Variants in XRN1 observed in about 807,000 individuals in gnomAD.
XRN1 encodes strand-exchange protein 1 homolog.
Under a neutral mutation model 222.3 loss-of-function variants are expected in XRN1, and 67 were observed. The ratio of observed to expected loss-of-function variants is 0.30; its 90% confidence interval spans 0.25 to 0.37. The LOEUF (loss-of-function observed/expected upper bound fraction) is 0.37. Among genes scored for constraint, XRN1 ranks in the 10% least tolerant of loss-of-function variants. The pLI is 1.00. For synonymous variants in XRN1, 643 were observed against 652.4 expected (o/e 0.99, Z 0.22); for missense variants, 1,707 against 2,000.2 (o/e 0.85, Z 2.80).
intron 12 of XRN1, 49 bp downstream of exon 12, chr3:142,418,454 CA>C (rs2068871624): frequency 1.4e-6 from 2 of 1,444,758 alleles, no homozygotes; most frequent in African/African-American, 1.4e-5. Flanking sequence ...TGAATAACTG[CA>C]AAATCTAATT....
chr3:142,367,430 AG>A (rs957715065), intron 27 of XRN1, among the ~76,000 whole-genome samples: 1 of 152,238 alleles, frequency 6.6e-6, no homozygotes, highest in African/African-American at 2.4e-5. Context: ...GGAAGAACCC[AG>A]AATTTTATTC....
intron 20 of XRN1, among the ~76,000 whole-genome samples, chr3:142,394,116 C>T (rs546219728): frequency 1.2e-4 from 19 of 152,230 alleles, no homozygotes; most frequent in African/African-American, 3.6e-4. Context: ...CATGAGCCAC[C>T]GTGCCTGGCC....
chr3:142,351,891 A>ATT (rs1218510665), intron 32 of XRN1, among the ~76,000 whole-genome samples: 1 of 147,890 alleles, frequency 6.8e-6, no homozygotes, highest in Middle Eastern at 3.5e-3. Flanking sequence ...GAAGAAGAAC[A>ATT]TTTTTTTTTA....
chr3:142,401,710 T>TCAAACAAA (rs761940718), intron 18 of XRN1, among the ~76,000 whole-genome samples: 1 of 152,054 alleles, frequency 6.6e-6, no homozygotes, highest in African/African-American at 2.4e-5. Context: ...TGAGACTCTG[T>TCAAACAAA]CAAACAAACA....
chr3:142,422,257 T>C (rs1243464351), intron 8 of XRN1, among the ~76,000 whole-genome samples: 1 of 151,896 alleles, frequency 6.6e-6, no homozygotes, highest in Non-Finnish European at 1.5e-5. Flanking sequence ...ATAGCTTGAA[T>C]CCAGAAGGCA....
intron 24 of XRN1, 51 bp downstream of exon 24, chr3:142,376,428 A>G: frequency 1.5e-6 from 2 of 1,292,830 alleles, no homozygotes; most frequent in Non-Finnish European, 2.2e-6. Flanking sequence ...TTTAATCTTT[A>G]TCATTTAATT....
intron 37 of XRN1, among the ~76,000 whole-genome samples, chr3:142,327,082 T>C (rs994916816): frequency 6.6e-6 from 1 of 152,172 alleles, no homozygotes; most frequent in African/African-American, 2.4e-5. Flanking sequence ...TTCTCATTTT[T>C]TGTAGTGTCT....
intron 31 of XRN1, 82 bp from the exon 32 acceptor site, chr3:142,355,578 T>C: frequency 1.1e-6 from 1 of 951,214 alleles, no homozygotes; most frequent in South Asian, 1.8e-5. Context: ...AATTCATCTA[T>C]TAATGTTATT....
intron 39 of XRN1, 48 bp downstream of exon 39, chr3:142,318,544 A>C (rs1230239252): frequency 6.8e-7 from 1 of 1,479,952 alleles, no homozygotes; most frequent in Non-Finnish European, 9.3e-7. Context: ...AGAGCTTAGT[A>C]AAAATAACAA....
At chr3:142,368,263 C>A (rs1317632826) in intron 27 of XRN1, among the ~76,000 whole-genome samples, 1 of 152,120 alleles carries the variant, frequency 6.6e-6, no homozygotes, top group African/African-American at 2.4e-5. Context: ...ATTCTCCTGC[C>A]TCAGCCTCCC....
chr3:142,362,509 G>A (rs1185344058), intron 29 of XRN1, among the ~76,000 whole-genome samples: 1 of 152,052 alleles, frequency 6.6e-6, no homozygotes, highest in Non-Finnish European at 1.5e-5. Flanking sequence ...CTGACTTCAA[G>A]TGATCCACCC....
intron 31 of XRN1, among the ~76,000 whole-genome samples, chr3:142,356,326 C>A (rs763189077): frequency 6.6e-6 from 1 of 152,114 alleles, no homozygotes; most frequent in Admixed American, 6.5e-5. Flanking sequence ...CCTTTGTTAT[C>A]ATCTACTTAT....
At chr3:142,429,190 C>T (rs540580252) in intron 2 of XRN1, among the ~76,000 whole-genome samples, 1 of 149,480 alleles carries the variant, frequency 6.7e-6, no homozygotes, top group South Asian at 2.2e-4. Context: ...CTCTGTCGCC[C>T]AGGCTGGAGT....
chr3:142,418,783 GTAACA>G, intron 11 of XRN1, 27 bp downstream of exon 11: 3 of 1,604,040 alleles, frequency 1.9e-6, no homozygotes, highest in Non-Finnish European at 2.6e-6. Context: ...TGTCAAAGTA[GTAACA>G]TATCAAAACA....
At chr3:142,410,487 G>GATTTT (rs1553739414) in intron 15 of XRN1, among the ~76,000 whole-genome samples, 1 of 68,072 alleles carries the variant, frequency 1.5e-5, no homozygotes, top group East Asian at 4.8e-4. Flanking sequence ...TCTATCTCAT[G>GATTTT]TTTTTTTTTT....
intron 14 of XRN1, 26 bp downstream of exon 14, chr3:142,414,107 CAT>C (rs2068694257): frequency 6.4e-7 from 1 of 1,565,720 alleles, no homozygotes; most frequent in African/African-American, 1.4e-5. Flanking sequence ...TCAAAAAGGA[CAT>C]AAAAACATTC....
rs1392971427 is a variant in XRN1 at position 142,306,924 on chromosome 3, CCA to C, written c.*4585_*4586del. On this transcript the variant is annotated 3_prime_UTR_variant, in exon 41 of 41. Transcript: ENST00000392981. The stretch of plus-strand genomic sequence containing the variant: ...TCTGTATAAGATCTAATGAAAAATT[CCA>C]GTTACTTATAAAATAGTTGAGAAAT... The C allele has an allele frequency of 3.3e-5, 5 of 152,444 alleles. No homozygotes were observed. The highest frequency in any genetic ancestry group is 1.2e-4 in the African/African-American group (5 of 41,370). The allele number at this position is 152,444 out of a possible 1,614,324, so 9.4% of individuals were successfully genotyped here.
At chr3:142,392,187 C>T (rs1446524684) in intron 20 of XRN1, among the ~76,000 whole-genome samples, 3 of 152,108 alleles carry the variant, frequency 2.0e-5, no homozygotes, top group Non-Finnish European at 4.4e-5. Context: ...CTCAAAATCT[C>T]TAGTAGAAAA....
At chr3:142,363,033 C>T (rs1417146608) in intron 29 of XRN1, among the ~76,000 whole-genome samples, 1 of 152,120 alleles carries the variant, frequency 6.6e-6, no homozygotes, top group East Asian at 1.9e-4. Context: ...CCTTGGCCTC[C>T]CAAAGTGTTG....
Sources: gnomAD v4.1 joint callset for allele counts (sites outside exome capture counted in the v4.1 genomes callset) on GRCh38, gnomAD v4.1.1 for gene constraint, MANE v1.5 for transcripts, NCBI Gene and HGNC (gene_info 2026-07-23, HGNC 2026-07-21) for gene names.